Variants in SORBS3 observed in about 807,000 individuals in gnomAD.
The protein encoded by SORBS3 is sorbin and SH3 domain containing 3, also known as vinexin.
In SORBS3, 69 loss-of-function variants were observed where a neutral mutation model predicts 98.0. The observed-to-expected ratio is 0.70, with a 90% CI of 0.58 to 0.86. SORBS3 has a LOEUF of 0.86. Among genes scored for constraint, SORBS3 ranks in the 40% least tolerant of loss-of-function variants. The pLI, the probability that SORBS3 is intolerant of heterozygous loss-of-function variation, is 0.00. For synonymous variants in SORBS3, 394 were observed against 355.4 expected, an observed-to-expected ratio of 1.11 and a Z score of -1.22; for missense variants, 954 against 908.5, an observed-to-expected ratio of 1.05 and a Z score of -0.64.
rs1362120339 is a variant in SORBS3, at chr8:22,561,346, G to C, written c.490G>C (p.Asp164His). 6 of 1,607,324 alleles carry C rather than the reference G, an allele frequency of 3.7e-6. No individual in the cohort carries two copies. Among genetic ancestry groups the C allele is most frequent in the Non-Finnish European group, 4.3e-6 (5 of 1,175,902 alleles). ...IHRKMPDLQL[D>H]WTFEEPPRDP... is the part of the protein sequence containing the mutation. The stretch of plus-strand genomic sequence containing the variant: ...TTCTGCTCCTGCAGACTTGCAGCTG[G>C]ACTGGACCTTCGAGGAGCCACCCAG... The change falls in exon 6 of 21, where the codon GAC becomes CAC. Residue 164 changes from aspartate to histidine, a missense_variant. Physicochemically the swap from Asp to His is moderately conservative, Grantham distance 81 (BLOSUM62 -1). Transcript: ENST00000240123.
At chr8:22,566,322 C>T (rs1478302185) in intron 12 of SORBS3, 23 bp from the exon 13 acceptor site, 7 of 1,608,908 alleles carry the variant, frequency 4.4e-6, no homozygotes, top group Non-Finnish European at 5.9e-6. Context: ...AGGCTGGAGG[C>T]TCAGTCTCTG....
At chr8:22,564,752 T>C in intron 10 of SORBS3, 1 of 1,413,812 alleles carries the variant, frequency 7.1e-7, no homozygotes, top group South Asian at 1.5e-5. Context: ...GAAAAGGGAG[T>C]GGTCAGTGCG....
rs547198745 is a variant in SORBS3, at chr8:22,561,491, C to G, written c.517+118C>G. 8.0e-6 allele frequency: 9 copies of G among 1,118,330 alleles called. No homozygotes were observed. In the East Asian group the frequency reaches 2.2e-4, roughly 28 times the overall value. 69.3% of individuals were successfully genotyped at this position (1,118,330 alleles called of 1,614,324 possible). Reference sequence around the variant, plus strand: ...GGCTCTCCAGTTGGCTCAGTTCAACCTGAGAGGTTTTTATAGCTCATTTCC... The same window carrying G: ...GGCTCTCCAGTTGGCTCAGTTCAACGTGAGAGGTTTTTATAGCTCATTTCC... On this transcript the variant is annotated intron_variant, in intron 6 of 20. Coordinates refer to ENST00000240123, the MANE Select transcript of SORBS3 (RefSeq NM_005775.5).
upstream of SORBS3, chr8:22,551,704 C>T (rs746849734): frequency 3.1e-6 from 3 of 983,042 alleles, no homozygotes; most frequent in Non-Finnish European, 3.6e-6. This position sits in a 1 kb window ranked among gnomAD's most constrained non-coding sequence, Gnocchi z 5.8. Context: ...CCGCGCGCGC[C>T]CCGACGGACG....
rs768202058 is a variant in SORBS3, at chr8:22,572,329, G to A, written c.1848-11G>A. The A allele has an allele frequency of 6.2e-6, 10 of 1,611,698 alleles. No homozygotes were observed. Among genetic ancestry groups the A allele is most frequent in the African/African-American group, 2.7e-5 (2 of 74,864 alleles). On this transcript the variant is annotated splice_polypyrimidine_tract_variant and intron_variant, in intron 19 of 20. Coordinates refer to ENST00000240123, the MANE Select transcript of SORBS3 (RefSeq NM_005775.5). ...GCCCATTCTCTGGTTGCCATGATAC[G>A]CTTCTCGCAGGTACCGGGCGATGTA...
chr8:22,566,686 C>T lies in SORBS3; in HGVS notation c.1116C>T (p.Gly372=), dbSNP rs1840431656. Residue 372 remains glycine (G), a synonymous_variant, in exon 14 of 21, where the codon GGC becomes GGT. Coordinates refer to ENST00000240123, the MANE Select transcript of SORBS3 (RefSeq NM_005775.5). The part of the protein sequence containing the change: ...TRDPSASNGG[G]SPARREEKKR... ...ACCCTAGTGCCTCTAACGGAGGGGG[C>T]AGCCCAGCCAGGAGGGAAGAGAAGA... is the stretch of plus-strand genomic sequence containing the variant. 3.7e-6 allele frequency: 6 copies of T among 1,610,688 alleles called. No homozygotes were observed. Among genetic ancestry groups the T allele is most frequent in the South Asian group, 1.1e-5 (1 of 90,832 alleles).
upstream of SORBS3, among the ~76,000 whole-genome samples, chr8:22,549,201 G>A (rs1415007875): frequency 3.3e-5 from 5 of 152,256 alleles, no homozygotes; most frequent in African/African-American, 7.2e-5. Context: ...TGGGGAAGCC[G>A]CGACTTGCAG....
chr8:22,571,776 A>G lies in SORBS3; in HGVS notation c.1802A>G (p.Asp601Gly), dbSNP rs1840592817. ...TCTCGAGGTCCCAGCCATCCCCTGG[A>G]CCTGGGGACCTCCTCTCCTAACACC... The part of the protein sequence containing the change: ...SHSRGPSHPL[D>G]LGTSSPNTSQ... Residue 601 changes from aspartate (D) to glycine (G), a missense_variant, in exon 19 of 21, where the codon GAC becomes GGC. Physicochemically the swap from Asp to Gly is moderately conservative, Grantham distance 94. Transcript: ENST00000240123. 6.2e-7 allele frequency: 1 copy of G among 1,613,676 alleles called. No homozygotes were observed. Among genetic ancestry groups the G allele is most frequent in the Non-Finnish European group, 8.5e-7 (1 of 1,179,796 alleles).
intron 1 of SORBS3, 135 bp downstream of exon 1, chr8:22,552,157 C>A: frequency 1.3e-6 from 1 of 783,976 alleles, no homozygotes; most frequent in Non-Finnish European, 1.5e-6. Context: ...CACCAGCCCT[C>A]ATACCAGAAA....
chr8:22,572,071 C>T (rs1204174786), intron 19 of SORBS3, among the ~76,000 whole-genome samples: 1 of 152,122 alleles, frequency 6.6e-6, no homozygotes, highest in African/African-American at 2.4e-5. Flanking sequence ...GCCCTGAGGT[C>T]GGTGCATGTA....
intron 20 of SORBS3, among the ~76,000 whole-genome samples, chr8:22,574,198 G>T (rs944479991): frequency 2.6e-5 from 4 of 152,196 alleles, no homozygotes; most frequent in African/African-American, 9.7e-5. Flanking sequence ...TTCAAGACAC[G>T]AGTTTCTGTG....
chr8:22,573,280 C>T, intron 20 of SORBS3: 2 of 452,498 alleles, frequency 4.4e-6, no homozygotes, highest in Non-Finnish European at 8.9e-6. Context: ...TTCAAATTTA[C>T]TGGATACACT....
chr8:22,562,443 C>T (rs1433475533), intron 7 of SORBS3, among the ~76,000 whole-genome samples: 6 of 152,204 alleles, frequency 3.9e-5, no homozygotes, highest in Non-Finnish European at 7.3e-5. Flanking sequence ...CCACAGGCTC[C>T]GCCCGGCTGC....
At chr8:22,558,356 A>G (rs1458735054) in intron 5 of SORBS3, among the ~76,000 whole-genome samples, 164 bp downstream of exon 5, 1 of 152,068 alleles carries the variant, frequency 6.6e-6, no homozygotes, top group Non-Finnish European at 1.5e-5. Context: ...CCCTCCCTGT[A>G]CTCGGGGCCA....
intron 11 of SORBS3, 55 bp from the exon 12 acceptor site, chr8:22,565,771 G>A: frequency 1.5e-6 from 2 of 1,298,728 alleles, no homozygotes; most frequent in Non-Finnish European, 2.0e-6. Flanking sequence ...CGGCGGCCTC[G>A]GCTGCCGCTG....
intron 18 of SORBS3, among the ~76,000 whole-genome samples, 165 bp downstream of exon 18, chr8:22,571,386 C>G (rs896869433): frequency 1.3e-5 from 2 of 152,096 alleles, no homozygotes; most frequent in Non-Finnish European, 2.9e-5. Flanking sequence ...GCCTGGGGGA[C>G]CTCAACCTAC....
At chr8:22,573,173 C>T (rs961768386) in intron 20 of SORBS3, among the ~76,000 whole-genome samples, 1 of 152,206 alleles carries the variant, frequency 6.6e-6, no homozygotes, top group Non-Finnish European at 1.5e-5. Flanking sequence ...CAGCTGCCAG[C>T]CAGCTGTACT....
At position 22,565,846 on chromosome 8, in the gene SORBS3, G is replaced by C. The variant is rs1586900557; in HGVS notation, c.924G>C (p.Arg308=). 1 of 1,292,742 alleles carries C rather than the reference G, an allele frequency of 7.7e-7. No homozygotes were observed. The highest frequency in any genetic ancestry group is 9.8e-7 in the Non-Finnish European group (1 of 1,018,320). The allele number at this position is 1,292,742 out of a possible 1,614,324, so 80.1% of individuals were successfully genotyped here. A position where few individuals can be genotyped will look rare whatever the true frequency, so the allele number is the denominator to read the frequency against. Residue 308 remains arginine, a synonymous_variant, in exon 12 of 21, where the codon CGG becomes CGC. Transcript: ENST00000240123. ...CGCAGAGCTCGCCGGCGCCCCGACG[G>C]GCCCCGGAGCAGCGGCCCCCGGCCG... ...PSPKSSPAPR[R]APEQRPPAGP...
chr8:22,546,690 G>T (rs570962858), intron 1 of SORBS3, among the ~76,000 whole-genome samples: 1 of 152,230 alleles, frequency 6.6e-6, no homozygotes, highest in South Asian at 2.1e-4. Flanking sequence ...TAATGACTGT[G>T]CATGTGATCC....
Sources: gnomAD v4.1 joint callset for allele counts (sites outside exome capture counted in the v4.1 genomes callset) on GRCh38, gnomAD v4.1.1 for gene constraint, Gnocchi (gnomAD v3.1) non-coding constraint, MANE v1.5 for transcripts, NCBI Gene and HGNC (gene_info 2026-07-23, HGNC 2026-07-21) for gene names.